The following SLC4A1AP variants were observed in gnomAD, a reference collection of about 807,000 sequenced individuals.
The protein encoded by SLC4A1AP is kanadaptin.
In SLC4A1AP, 64 loss-of-function variants were observed where a neutral mutation model predicts 89.7. The ratio of observed to expected loss-of-function variants is 0.71; its 90% confidence interval spans 0.58 to 0.88. The LOEUF is 0.88. Ranked by LOEUF, SLC4A1AP falls within the 40% of genes least tolerant of loss-of-function variation. SLC4A1AP has a pLI of 0.00. For synonymous variants in SLC4A1AP, 366 were observed against 353.3 expected (o/e 1.04, Z -0.40); for missense variants, 931 against 965.0 (o/e 0.96, Z 0.47).
chr2:27,673,311 T>TCA (rs1246090737), intron 5 of SLC4A1AP, among the ~76,000 whole-genome samples: 1 of 146,318 alleles, frequency 6.8e-6, no homozygotes, highest in African/African-American at 2.5e-5. Flanking sequence ...TTTCTCTCTC[T>TCA]CTCTCTCTCT....
At chr2:27,684,600 A>C (rs915486027) in intron 9 of SLC4A1AP, among the ~76,000 whole-genome samples, 3 of 152,064 alleles carry the variant, frequency 2.0e-5, no homozygotes, top group African/African-American at 7.2e-5. Context: ...TGTTTGATGG[A>C]TTTACATGCC....
intron 12 of SLC4A1AP, chr2:27,692,203 A>T (rs1176039362): frequency 6.6e-6 from 1 of 152,156 alleles, no homozygotes; most frequent in Non-Finnish European, 1.5e-5. Flanking sequence ...AACTTGTGTC[A>T]CTATTATTTA....
chr2:27,666,869 ATAT>A (rs140811856), intron 2 of SLC4A1AP, among the ~76,000 whole-genome samples: 8,017 of 71,768 alleles, frequency 0.11, 679 homozygotes, highest in African/African-American at 0.31. Flanking sequence ...ATATATATAT[ATAT>A]TTTTTTTTTT....
At chr2:27,688,067 G>T in intron 11 of SLC4A1AP, 47 bp downstream of exon 11, 2 of 1,519,986 alleles carry the variant, frequency 1.3e-6, no homozygotes, top group South Asian at 2.3e-5. Flanking sequence ...ACAGGTGGCT[G>T]ACTGGTTTCA....
intron 5 of SLC4A1AP, among the ~76,000 whole-genome samples, chr2:27,674,540 C>T (rs1179214924): frequency 6.6e-6 from 1 of 151,816 alleles, no homozygotes; most frequent in Admixed American, 6.6e-5. Flanking sequence ...TTTTTCTAGT[C>T]TAATAGATGA....
intron 10 of SLC4A1AP, among the ~76,000 whole-genome samples, chr2:27,686,138 C>A (rs1440875760): frequency 6.6e-6 from 1 of 152,170 alleles, no homozygotes; most frequent in African/African-American, 2.4e-5. Flanking sequence ...GGAATGCATG[C>A]ATGTCTACTT....
chr2:27,673,216 A>G (rs74513237), intron 5 of SLC4A1AP, among the ~76,000 whole-genome samples: 1 of 151,720 alleles, frequency 6.6e-6, no homozygotes, highest in Non-Finnish European at 1.5e-5. Flanking sequence ...ACTGTTTAGG[A>G]TTTATCTTTT....
exon 9 of SLC4A1AP, chr2:27,682,315 A>G (rs1323395246): frequency 1.9e-6 from 3 of 1,613,814 alleles, no homozygotes; most frequent in Non-Finnish European, 2.5e-6. Flanking sequence ...ATTTGGTGCC[A>G]TGAAAGGAGG....
chr2:27,669,321 A>C (rs769503540), exon 5 of SLC4A1AP: 2 of 1,613,612 alleles, frequency 1.2e-6, no homozygotes, highest in Non-Finnish European at 1.7e-6. Context: ...AAAAGAAGCA[A>C]TGATCCAGTG....
chr2:27,678,700 C>A (rs1675563379), intron 8 of SLC4A1AP, among the ~76,000 whole-genome samples: 1 of 151,210 alleles, frequency 6.6e-6, no homozygotes, highest in Non-Finnish European at 1.5e-5. Flanking sequence ...AAGAGAAATA[C>A]AAATACTACA....
intron 5 of SLC4A1AP, among the ~76,000 whole-genome samples, chr2:27,672,393 ATTTC>A (rs1450285200): frequency 6.6e-6 from 1 of 151,544 alleles, no homozygotes; most frequent in African/African-American, 2.4e-5. Context: ...CAAGGTTTTA[ATTTC>A]TTTCTCTTTT....
chr2:27,663,927 C>T, exon 1 of SLC4A1AP: 5 of 1,614,154 alleles, frequency 3.1e-6, no homozygotes, highest in Non-Finnish European at 4.2e-6. Context: ...GGCTGACATT[C>T]TCTCTCAGTC....
Position 27,685,284 on chromosome 2 carries a change from T to C in SLC4A1AP, c.2116+7T>C. ...AAAGAAACCCAAACCCATGGTAATA[T>C]CTTTCTTCTCCTTCCTGTGTTGTTC... On this transcript the variant is annotated splice_region_variant and intron_variant, in intron 10 of 13. Transcript: ENST00000613058. The C allele has an allele frequency of 3.7e-6, 6 of 1,600,712 alleles. No individual in the cohort carries two copies. Among genetic ancestry groups the C allele is most frequent in the Non-Finnish European group, 5.1e-6 (6 of 1,175,554 alleles).
At chr2:27,663,965 T>A in exon 1 of SLC4A1AP, 1 of 1,614,158 alleles carries the variant, frequency 6.2e-7, no homozygotes, top group African/African-American at 1.3e-5. Context: ...AAGACCTCAG[T>A]GGGGACTTCA....
At chr2:27,668,546 T>C in intron 3 of SLC4A1AP, 1 of 543,066 alleles carries the variant, frequency 1.8e-6, no homozygotes, top group Non-Finnish European at 3.5e-6. Context: ...ACCTCCTGGG[T>C]TTAAGCTATG....
chr2:27,674,030 G>C (rs1012641918), intron 5 of SLC4A1AP, among the ~76,000 whole-genome samples: 5 of 143,478 alleles, frequency 3.5e-5, no homozygotes, highest in African/African-American at 1.3e-4. Flanking sequence ...GTGTGTGTGT[G>C]TCTGTGAGTG....
At chr2:27,666,372 AC>A (rs1675323435) in intron 2 of SLC4A1AP, among the ~76,000 whole-genome samples, 1 of 3,390 alleles carries the variant, frequency 2.9e-4, no homozygotes, top group Non-Finnish European at 9.7e-4. Context: ...CCCCCCCCCC[AC>A]CCCGCCCCCC....
chr2:27,670,777 C>T (rs1363490098), intron 5 of SLC4A1AP, among the ~76,000 whole-genome samples: 1 of 151,740 alleles, frequency 6.6e-6, no homozygotes, highest in Non-Finnish European at 1.5e-5. Context: ...AGGAGAATGG[C>T]GTGAACCCAG....
chr2:27,677,931 C>G lies in SLC4A1AP; in HGVS notation c.1763+7C>G, dbSNP rs756983455. On this transcript the variant is annotated splice_region_variant and intron_variant, in intron 8 of 13. Transcript: ENST00000613058. ...AGATTCCAGAACTAAAAAAGTAAGT[C>G]TTAGTTATATTTGGAATTCTAAATA... is the stretch of plus-strand genomic sequence containing the variant. 3 of 1,559,284 alleles carry G rather than the reference C, an allele frequency of 1.9e-6. No individual in the cohort carries two copies. Among genetic ancestry groups the G allele is most frequent in the Non-Finnish European group, 2.6e-6 (3 of 1,148,544 alleles).
Sources: allele counts gnomAD v4.1 joint callset (sites outside exome capture counted in the v4.1 genomes callset), GRCh38; gene constraint gnomAD v4.1.1; transcripts MANE v1.5; gene names NCBI Gene and HGNC (gene_info 2026-07-23, HGNC 2026-07-21).